The following DGKB variants were observed in gnomAD, a reference collection of about 807,000 sequenced individuals.
DGKB encodes 90 kDa diacylglycerol kinase.
A neutral mutation model predicts 114.3 loss-of-function variants in DGKB; 67 were observed. The ratio of observed to expected loss-of-function variants is 0.59; its 90% CI spans 0.48 to 0.72. The LOEUF (loss-of-function observed/expected upper bound fraction) is 0.72. Among genes scored for constraint, DGKB ranks in the 30% least tolerant of loss-of-function variants. The pLI is 0.00. For synonymous variants in DGKB, 398 were observed against 323.1 expected, an observed-to-expected ratio of 1.23 and a Z score of -2.49; for missense variants, 907 against 975.2, an observed-to-expected ratio of 0.93 and a Z score of 0.93.
chr7:14,496,556 A>T (rs1336753934), intron 20 of DGKB, among the ~76,000 whole-genome samples: 1 of 151,808 alleles, frequency 6.6e-6, no homozygotes, highest in Non-Finnish European at 1.5e-5. Flanking sequence ...CACCTATTGT[A>T]TGCCAAACAC....
rs919683376 is a variant in DGKB at position 14,145,189 on chromosome 7, A to C, written c.*3942T>G. ...AATCTCTCAAATGTGAGTTTACTCA[A>C]ACTTTATTTAAATATAGCAGAATTT... On this transcript the variant is annotated 3_prime_UTR_variant, in exon 26 of 26. Transcript: ENST00000402815. 3.3e-5 allele frequency: 5 copies of C among 152,200 alleles called. No individual in the cohort carries two copies. The highest frequency in any genetic ancestry group is 5.9e-5 in the Non-Finnish European group (4 of 68,022). 9.4% of individuals were successfully genotyped at this position (152,200 alleles called of 1,614,324 possible). A position where few individuals can be genotyped will look rare whatever the true frequency, so the allele number is the denominator to read the frequency against.
In DGKB at chr7:14,177,933, C is replaced by T. The variant is rs576563173; in HGVS notation, c.2243+98G>A. 43 of 1,278,426 alleles carry T rather than the reference C, an allele frequency of 3.4e-5. No individual in the cohort carries two copies. In the East Asian group the frequency reaches 1.1e-3, roughly 33 times the overall value. 79.2% of individuals were successfully genotyped at this position (1,278,426 alleles called of 1,614,324 possible). On this transcript the variant is annotated intron_variant, in intron 24 of 25. Transcript: ENST00000402815. ...TATTAATAACTGATTATTTGGAGCC[C>T]AAAGAAGACAATGTTACTATCAGAG...
intron 18 of DGKB, 77 bp downstream of exon 18, chr7:14,582,975 G>C: frequency 1.1e-6 from 1 of 919,680 alleles, no homozygotes; most frequent in Non-Finnish European, 1.8e-6. Context: ...AATGATACAA[G>C]CAATAGACAC....
chr7:14,747,981 A>G (rs1430621896), intron 4 of DGKB, among the ~76,000 whole-genome samples: 1 of 152,158 alleles, frequency 6.6e-6, no homozygotes, highest in Non-Finnish European at 1.5e-5. Flanking sequence ...ATTATTTCTG[A>G]CCATCTGGAT....
chr7:14,567,889 G>A (rs1454160573), intron 20 of DGKB, among the ~76,000 whole-genome samples: 1 of 151,990 alleles, frequency 6.6e-6, no homozygotes, highest in Non-Finnish European at 1.5e-5. Flanking sequence ...TTAAAGGCGT[G>A]AGCCACAGCA....
chr7:14,602,963 G>C (rs1803827827), intron 17 of DGKB, among the ~76,000 whole-genome samples: 2 of 152,096 alleles, frequency 1.3e-5, no homozygotes, highest in African/African-American at 2.4e-5. Context: ...TGGTGAGATA[G>C]ATAATAAAAG....
intron 17 of DGKB, 52 bp from the exon 18 acceptor site, chr7:14,583,189 T>A: frequency 4.3e-6 from 5 of 1,155,898 alleles, no homozygotes; most frequent in Non-Finnish European, 6.2e-6. Context: ...AAATAAGATG[T>A]TTTCAGTTTT....
At chr7:14,347,486 T>G in intron 21 of DGKB, among the ~76,000 whole-genome samples, 1 of 151,946 alleles carries the variant, frequency 6.6e-6, no homozygotes, top group East Asian at 1.9e-4. Context: ...AGAGGTATTG[T>G]TGGACCTTAT....
At position 14,951,483 on chromosome 7, in the gene DGKB, G is replaced by T. The variant is rs553681745; in HGVS notation, c.-188+23213C>A. Among the ~76,000 whole-genome samples, 20 of 152,116 alleles carry T rather than the reference G, an allele frequency of 1.3e-4. 1 individual carries two copies. The South Asian group carries it at 3.1e-3, about 24-fold the overall frequency. ...AAGACAGTAAAAACATCAGTGGGTT[G>T]CAGAGGTTTGGGGATAAGATGGAGG... is the stretch of plus-strand genomic sequence containing the variant. On this transcript the variant is annotated intron_variant, in intron 1 of 4. Transcript: ENST00000437998.
At chr7:14,691,526 CAGTT>C (rs1195227604) in intron 9 of DGKB, among the ~76,000 whole-genome samples, 6 of 152,166 alleles carry the variant, frequency 3.9e-5, no homozygotes, top group African/African-American at 1.2e-4. Context: ...TCTCATCACT[CAGTT>C]GTCTTGGTGT....
intron 20 of DGKB, among the ~76,000 whole-genome samples, chr7:14,490,460 T>C (rs1367470264): frequency 1.3e-5 from 2 of 152,180 alleles, no homozygotes; most frequent in African/African-American, 4.8e-5. Context: ...GCCCAGCTAA[T>C]AAACAAATAC....
At chr7:14,519,499 T>G (rs1322931123) in intron 20 of DGKB, among the ~76,000 whole-genome samples, 2 of 152,116 alleles carry the variant, frequency 1.3e-5, no homozygotes, top group Non-Finnish European at 2.9e-5. Flanking sequence ...TTTATGGGCT[T>G]ATGAATTTTC....
chr7:14,855,679 T>C (rs1850045002), intron 1 of DGKB, among the ~76,000 whole-genome samples: 1 of 152,066 alleles, frequency 6.6e-6, no homozygotes, highest in South Asian at 2.1e-4. Flanking sequence ...AAAAATTCTT[T>C]TGATCATAAT....
intron 21 of DGKB, among the ~76,000 whole-genome samples, chr7:14,469,873 T>C (rs891875625): frequency 1.1e-4 from 17 of 151,964 alleles, no homozygotes; most frequent in African/African-American, 3.6e-4. Context: ...TTAGCAAATA[T>C]ATATGTATAC....
At chr7:14,436,942 C>A (rs546081087) in intron 21 of DGKB, among the ~76,000 whole-genome samples, 5 of 151,956 alleles carry the variant, frequency 3.3e-5, no homozygotes, top group Non-Finnish European at 7.4e-5. Context: ...AGTTAAAATG[C>A]TTTCCTAGTA....
chr7:14,771,478 T>A (rs2128472229), intron 2 of DGKB, among the ~76,000 whole-genome samples: 1 of 152,218 alleles, frequency 6.6e-6, no homozygotes, highest in South Asian at 2.1e-4. Flanking sequence ...CTTATATAGA[T>A]GACTTTGCTT....
chr7:14,259,151 G>C (rs191017955), intron 23 of DGKB, among the ~76,000 whole-genome samples: 270 of 152,182 alleles, frequency 1.8e-3, no homozygotes, highest in African/African-American at 6.2e-3. Flanking sequence ...GACTGTCTCT[G>C]TCCTACTTAA....
At chr7:14,915,906 G>C (rs1478010600) in intron 1 of DGKB, among the ~76,000 whole-genome samples, 4 of 151,974 alleles carry the variant, frequency 2.6e-5, no homozygotes, top group Non-Finnish European at 5.9e-5. Flanking sequence ...GAGTATCAGA[G>C]AAGGCATGAA....
intron 13 of DGKB, among the ~76,000 whole-genome samples, chr7:14,645,957 A>C (rs1316715596): frequency 1.3e-5 from 2 of 151,954 alleles, no homozygotes; most frequent in Non-Finnish European, 2.9e-5. Flanking sequence ...TTAAGAGAGA[A>C]AGAGAGAAAC....
Sources: allele counts gnomAD v4.1 joint callset (sites outside exome capture counted in the v4.1 genomes callset), GRCh38; gene constraint gnomAD v4.1.1; transcripts MANE v1.5; gene names NCBI Gene and HGNC (gene_info 2026-07-23, HGNC 2026-07-21).